Variants in GALNT9 observed in about 807,000 individuals in gnomAD.
GALNT9 encodes GalNAc transferase 9.
Under a neutral mutation model 63.1 loss-of-function variants are expected in GALNT9, and 47 were observed. That is an observed-to-expected ratio of 0.75 (90% CI 0.59 to 0.95). The LOEUF (loss-of-function observed/expected upper bound fraction) is 0.95, where lower values mean the gene tolerates loss of function less well. Among genes scored for constraint, GALNT9 ranks in the 40% least tolerant of loss-of-function variants. The pLI is 0.00. For synonymous variants in GALNT9, 396 were observed against 365.7 expected (o/e 1.08, Z -0.94); for missense variants, 829 against 874.8 (o/e 0.95, Z 0.66).
At chr12:132,320,815 G>A (rs895930525) in intron 1 of GALNT9, among the ~76,000 whole-genome samples, 1 of 152,240 alleles carries the variant, frequency 6.6e-6, no homozygotes, top group African/African-American at 2.4e-5. Context: ...CAGCGGGGGG[G>A]TCCTTCTGCT....
chr12:132,289,008 G>A (rs1161022737), intron 1 of GALNT9, among the ~76,000 whole-genome samples: 1 of 152,184 alleles, frequency 6.6e-6, no homozygotes, highest in Non-Finnish European at 1.5e-5. Flanking sequence ...ATTCAGACTG[G>A]CATTTTGTTT....
rs932205163 is a variant in GALNT9 at position 132,252,729 on chromosome 12, A to G, written c.960-4702T>C. Among the ~76,000 whole-genome samples, 5 of 152,086 alleles carry G rather than the reference A, an allele frequency of 3.3e-5. No individual in the cohort carries two copies. Among genetic ancestry groups the G allele is most frequent in the Non-Finnish European group, 7.4e-5 (5 of 68,018 alleles). Reference sequence around the variant, plus strand: ...CCCCGTCTCTACTAAAAATACCAAAAAAAATTAGCCAGGCGTGCTGGCACA... The same window carrying G: ...CCCCGTCTCTACTAAAAATACCAAAGAAAATTAGCCAGGCGTGCTGGCACA... On this transcript the variant is annotated intron_variant, in intron 5 of 10. Coordinates refer to ENST00000328957, the MANE Select transcript of GALNT9 (RefSeq NM_001122636.2). The surrounding 1 kb of genome is among the most constrained non-coding windows in gnomAD (Gnocchi z 5.2).
chr12:132,311,232 T>C (rs1881801160), intron 1 of GALNT9, among the ~76,000 whole-genome samples: 1 of 152,126 alleles, frequency 6.6e-6, no homozygotes, highest in Non-Finnish European at 1.5e-5. Flanking sequence ...GACTTTGACA[T>C]TTCAAAGAGG....
Position 132,329,475 on chromosome 12 carries a change from G to T in GALNT9, c.-272C>A. Reference sequence around the variant, plus strand: ...GCGCGGCCCCGCCCCGGGGAGCGGTGAGGGGGGCCGGGGGCGCCGGGGGGC... The same window carrying T: ...GCGCGGCCCCGCCCCGGGGAGCGGTTAGGGGGGCCGGGGGCGCCGGGGGGC... On this transcript the variant is annotated 5_prime_UTR_variant, in exon 1 of 11. Transcript: ENST00000328957. The T allele has an allele frequency of 5.4e-6, 1 of 184,040 alleles. No homozygotes were observed. The highest frequency in any genetic ancestry group is 1.7e-4 in the South Asian group (1 of 5,720). The allele number at this position is 184,040 out of a possible 1,614,324, so 11.4% of individuals were successfully genotyped here.
At position 132,260,319 on chromosome 12, in the gene GALNT9, T is replaced by C. The variant is rs1879328385; in HGVS notation, c.761+629A>G. On this transcript the variant is annotated intron_variant, in intron 4 of 10. Transcript: ENST00000328957. ...CTTGGAGTCGGGCCCTGCCCACACC[T>C]TGGAGTCGGGCTCTGGGCCTCCAGA... Among the ~76,000 whole-genome samples the C allele has an allele frequency of 3.3e-5, 5 of 152,084 alleles. No homozygotes were observed. In the South Asian group the frequency reaches 1.0e-3, roughly 32 times the overall value.
At chr12:132,322,908 G>A (rs564093975) in intron 1 of GALNT9, among the ~76,000 whole-genome samples, 8 of 152,310 alleles carry the variant, frequency 5.3e-5, no homozygotes, top group Non-Finnish European at 7.4e-5. Flanking sequence ...TGAGTGGCGG[G>A]GCGGCCATCG....
At position 132,201,024 on chromosome 12, in the gene GALNT9, G is replaced by T. The variant is rs1017980140; in HGVS notation, c.1401+100C>A. ...TCTGGGGGAGGCGCTACCTCTCCGT[G>T]TGCATGTGGATGTGCCTGCATCACC... On this transcript the variant is annotated intron_variant, in intron 8 of 10. Transcript: ENST00000328957. The T allele has an allele frequency of 5.3e-5, 62 of 1,180,476 alleles. No individual in the cohort carries two copies. The Admixed American group carries it at 1.3e-3, about 24-fold the overall frequency. The allele number at this position is 1,180,476 out of a possible 1,614,324, so 73.1% of individuals were successfully genotyped here.
At chr12:132,240,371 T>C (rs546548384) in intron 6 of GALNT9, 2 of 351,810 alleles carry the variant, frequency 5.7e-6, no homozygotes, top group Non-Finnish European at 1.1e-5. Context: ...GTACACCCCA[T>C]GCTGGCCAGG....
chr12:132,196,415 G>C lies in GALNT9; in HGVS notation c.*692C>G. On this transcript the variant is annotated 3_prime_UTR_variant, in exon 11 of 11. Coordinates refer to ENST00000328957, the MANE Select transcript of GALNT9 (RefSeq NM_001122636.2). ...AAACTGTATTTATTAAAACAGGCAA[G>C]GGGCTGGGCTGCGGCAGGGCCCAGG... 2 of 984,878 alleles carry C rather than the reference G, an allele frequency of 2.0e-6. No individual in the cohort carries two copies. Among genetic ancestry groups the C allele is most frequent in the Non-Finnish European group, 2.4e-6 (2 of 829,398 alleles). 61.0% of individuals were successfully genotyped at this position (984,878 alleles called of 1,614,324 possible).
At chr12:132,222,615 TGC>T (rs1234662605) in intron 6 of GALNT9, among the ~76,000 whole-genome samples, 1 of 151,976 alleles carries the variant, frequency 6.6e-6, no homozygotes, top group African/African-American at 2.4e-5. Flanking sequence ...CAGCCGACGA[TGC>T]GTGGAGCACT....
intron 9 of GALNT9, 103 bp from the exon 10 acceptor site, chr12:132,198,062 G>A (rs1401061581): frequency 3.0e-6 from 3 of 985,714 alleles, no homozygotes; most frequent in East Asian, 5.3e-5. Flanking sequence ...ACGGGGCCCT[G>A]CGCGGCTGCC....
chr12:132,321,220 GGGTCTGGAGTCGAGGCCCCTGTC>G (rs1483473470), intron 1 of GALNT9, among the ~76,000 whole-genome samples: 18 of 28,828 alleles, frequency 6.2e-4, no homozygotes, highest in Admixed American at 1.6e-3. Flanking sequence ...AGGCCCCTGT[GGGTCTGGAGTCGAGGCCCCTGTC>G]GGTCCGGAGT....
At chr12:132,317,742 T>C (rs1868588464) in intron 1 of GALNT9, among the ~76,000 whole-genome samples, 1 of 152,024 alleles carries the variant, frequency 6.6e-6, no homozygotes, top group South Asian at 2.1e-4. Flanking sequence ...TTCGGGCCCC[T>C]CCAGCCCCGG....
intron 6 of GALNT9, among the ~76,000 whole-genome samples, chr12:132,229,843 G>A (rs1177141888): frequency 3.3e-5 from 5 of 152,360 alleles, no homozygotes; most frequent in Admixed American, 1.3e-4. Context: ...CGATGAGGAA[G>A]CCGGGGCTGT....
At chr12:132,301,570 G>A (rs573568839) in intron 1 of GALNT9, among the ~76,000 whole-genome samples, 5 of 152,352 alleles carry the variant, frequency 3.3e-5, no homozygotes, top group African/African-American at 7.2e-5. Context: ...ATGGCTGTGC[G>A]AACATTCACC....
intron 6 of GALNT9, among the ~76,000 whole-genome samples, chr12:132,226,534 C>T (rs1877695438): frequency 7.0e-6 from 1 of 141,900 alleles, no homozygotes; most frequent in Non-Finnish European, 1.5e-5. Flanking sequence ...CACACATACA[C>T]AACACACAAC....
intron 2 of GALNT9, chr12:132,278,697 C>T (rs1422332566): frequency 6.6e-6 from 1 of 152,280 alleles, no homozygotes; most frequent in Non-Finnish European, 1.5e-5. Context: ...GACAGAAGAC[C>T]CGACTGCTGC....
chr12:132,291,765 C>A (rs782523098), intron 1 of GALNT9, among the ~76,000 whole-genome samples: 1 of 152,180 alleles, frequency 6.6e-6, no homozygotes, highest in African/African-American at 2.4e-5. Context: ...AGACCAGATG[C>A]GCTCAGTCCT....
intron 6 of GALNT9, among the ~76,000 whole-genome samples, chr12:132,210,238 G>A (rs552610575): frequency 1.8e-4 from 27 of 152,368 alleles, no homozygotes; most frequent in South Asian, 6.2e-4. Flanking sequence ...GCGCGTGGGC[G>A]TTGGGTCAAA....
Sources: allele counts gnomAD v4.1 joint callset (sites outside exome capture counted in the v4.1 genomes callset), GRCh38; gene constraint gnomAD v4.1.1; non-coding constraint Gnocchi (gnomAD v3.1); transcripts MANE v1.5; gene names NCBI Gene and HGNC (gene_info 2026-07-23, HGNC 2026-07-21).